TF: variants seen among roughly 807,000 people sequenced by gnomAD.
TF encodes transferrin.
Under a neutral mutation model 82.4 loss-of-function variants are expected in TF, and 55 were observed. That is an observed-to-expected ratio of 0.67 (90% CI 0.54 to 0.84). The LOEUF (loss-of-function observed/expected upper bound fraction) is 0.84, where lower values mean the gene tolerates loss of function less well. Ranked by LOEUF, TF falls within the 40% of genes least tolerant of loss-of-function variation. The pLI, the probability that TF is intolerant of heterozygous loss-of-function variation, is 0.00. For synonymous variants in TF, 332 were observed against 332.6 expected (o/e 1.00, Z 0.02); for missense variants, 737 against 868.4 (o/e 0.85, Z 1.90).
At chr3:133,737,670 G>T in the TF span, among the ~76,000 whole-genome samples, 1 of 152,102 alleles carries the variant, frequency 6.6e-6, no homozygotes, top group East Asian at 1.9e-4. Flanking sequence ...AACCATCAGA[G>T]AATACTATAA....
chr3:133,688,295 T>A, the TF span: 2 of 152,606 alleles, frequency 1.3e-5, no homozygotes, highest in African/African-American at 4.8e-5. Flanking sequence ...AAAAAGTGTT[T>A]CCAGCAGATG....
chr3:133,664,542 T>G, the TF span, among the ~76,000 whole-genome samples: 149,628 of 152,164 alleles, frequency 0.98, 73,575 homozygotes, highest in South Asian at 1. Flanking sequence ...GGCTGGTCTT[T>G]AACTCCTGAC....
the TF span, among the ~76,000 whole-genome samples, chr3:133,697,360 G>C: frequency 6.6e-6 from 1 of 152,182 alleles, no homozygotes; most frequent in Non-Finnish European, 1.5e-5. Context: ...ATTTTAATTA[G>C]TGGGGTCATC....
At chr3:133,685,113 T>C in the TF span, among the ~76,000 whole-genome samples, 1 of 152,172 alleles carries the variant, frequency 6.6e-6, no homozygotes. Flanking sequence ...CACATGATTA[T>C]CTCAATAGAT....
chr3:133,766,319 C>T lies in TF; in HGVS notation c.1372C>T (p.Leu458Phe). ...IAVVKKSASD[L>F]TWDNLKGKKS... ...AGTGGTGAAGAAATCAGCTTCTGACCTCACCTGGGACAATCTGAAAGGCAA... is the reference window on the plus strand; with the variant it reads ...AGTGGTGAAGAAATCAGCTTCTGACTTCACCTGGGACAATCTGAAAGGCAA... The change falls in exon 12 of 17, where the codon CTC becomes TTC. Residue 458 changes from leucine to phenylalanine, a missense_variant. Physicochemically the swap from Leu to Phe is conservative, Grantham distance 22. Transcript: ENST00000402696. The T allele has an allele frequency of 1.2e-6, 2 of 1,614,190 alleles. No individual in the cohort carries two copies. Among genetic ancestry groups the T allele is most frequent in the Non-Finnish European group, 1.7e-6 (2 of 1,180,030 alleles).
intron 1 of TF, among the ~76,000 whole-genome samples, chr3:133,746,922 C>A (rs1933518416): frequency 6.6e-6 from 1 of 152,180 alleles, no homozygotes; most frequent in Admixed American, 6.5e-5. Flanking sequence ...GCGGTCAGAG[C>A]ATGGGGTTTG....
chr3:133,788,932 AAG>A lies in TF; in HGVS notation c.*10313_*10314del, dbSNP rs1470723859. ...ATGGCTATCATGCTAGTGGAACAGG[AAG>A]CATGGGATAATGTGGCCTTATCAAA... On this transcript the variant is annotated 3_prime_UTR_variant, in exon 17 of 17. Coordinates refer to ENST00000402696, the MANE Select transcript of TF (RefSeq NM_001063.4). 6.6e-6 allele frequency: 1 copy of A among 152,234 alleles called. No individual in the cohort carries two copies. Among genetic ancestry groups the A allele is most frequent in the Non-Finnish European group, 1.5e-5 (1 of 68,056 alleles). The allele number at this position is 152,234 out of a possible 1,614,324, so 9.4% of individuals were successfully genotyped here. A position where few individuals can be genotyped will look rare whatever the true frequency, so the allele number is the denominator to read the frequency against.
At chr3:133,678,905 C>G in the TF span, among the ~76,000 whole-genome samples, 9 of 150,290 alleles carry the variant, frequency 6.0e-5, no homozygotes, top group Non-Finnish European at 1.2e-4. Context: ...TGAAATCTCA[C>G]TCTGTTACCC....
chr3:133,757,740 C>T (rs1014146673), intron 7 of TF, 29 bp from the exon 8 acceptor site: 1 of 1,599,354 alleles, frequency 6.3e-7, no homozygotes, highest in Non-Finnish European at 8.6e-7. Flanking sequence ...TCTGTGTTGC[C>T]ATCCACTATT....
the TF span, among the ~76,000 whole-genome samples, chr3:133,728,241 C>A: frequency 1.3e-5 from 2 of 152,308 alleles, no homozygotes; most frequent in East Asian, 1.9e-4. Flanking sequence ...TAATATCCTG[C>A]AGAGTGTTTT....
Position 133,789,606 on chromosome 3 carries a change from T to G in TF, c.*10986T>G, listed in dbSNP as rs1934777086. On this transcript the variant is annotated 3_prime_UTR_variant, in exon 17 of 17. Transcript: ENST00000402696. ...TGTGTTTATTTGCACATTTGTTATA[T>G]GTTGTGTTTTGGCATATAAGTAAAA... 6.6e-6 allele frequency: 1 copy of G among 152,242 alleles called. No homozygotes were observed. The highest frequency in any genetic ancestry group is 2.4e-5 in the African/African-American group (1 of 41,464). The allele number at this position is 152,242 out of a possible 1,614,324, so 9.4% of individuals were successfully genotyped here.
intron 2 of TF, 151 bp downstream of exon 2, chr3:133,748,735 G>C (rs1044480340): frequency 1.9e-6 from 2 of 1,052,034 alleles, no homozygotes; most frequent in African/African-American, 3.2e-5. Flanking sequence ...GTGGAAATGG[G>C]GAGGTTTTCT....
Position 133,787,915 on chromosome 3 carries a change from T to A in TF, c.*9295T>A, listed in dbSNP as rs1001896090. On this transcript the variant is annotated 3_prime_UTR_variant, in exon 17 of 17. Transcript: ENST00000402696. ...TAACGTTTATAAAAAGACTATCTTCTGAAAACGACTTTTGGAAGTGAAATG... is the reference window on the plus strand; with the variant it reads ...TAACGTTTATAAAAAGACTATCTTCAGAAAACGACTTTTGGAAGTGAAATG... 2 of 152,222 alleles carry A rather than the reference T, an allele frequency of 1.3e-5. No homozygotes were observed. Among genetic ancestry groups the A allele is most frequent in the Non-Finnish European group, 2.9e-5 (2 of 68,038 alleles). The allele number at this position is 152,222 out of a possible 1,614,324, so 9.4% of individuals were successfully genotyped here.
At chr3:133,743,491 G>A (rs147443185), upstream of TF, among the ~76,000 whole-genome samples, 19 of 152,246 alleles carry the variant, frequency 1.2e-4, no homozygotes, top group East Asian at 3.1e-3. Context: ...TTTCCTGGGA[G>A]AGGCAGTGTC....
chr3:133,771,167 A>G (rs1934248606), intron 14 of TF, among the ~76,000 whole-genome samples: 2 of 152,246 alleles, frequency 1.3e-5, no homozygotes, highest in South Asian at 4.1e-4. Context: ...TGCTGAGCCT[A>G]GAACAACACA....
the TF span, among the ~76,000 whole-genome samples, chr3:133,726,803 A>G: frequency 6.6e-6 from 1 of 152,040 alleles, no homozygotes; most frequent in African/African-American, 2.4e-5. Context: ...TTAGTGCTAT[A>G]AATTTCCCTC....
chr3:133,775,103 T>C, intron 14 of TF: 1 of 389,114 alleles, frequency 2.6e-6, no homozygotes, highest in South Asian at 2.3e-5. Context: ...ATTCTTCCTC[T>C]GTTGGAGCAA....
intron 2 of TF, among the ~76,000 whole-genome samples, chr3:133,753,029 G>A (rs557533446): frequency 6.6e-6 from 1 of 152,234 alleles, no homozygotes; most frequent in African/African-American, 2.4e-5. Context: ...GAGTGAAGAC[G>A]AATGTTTTCA....
At position 133,786,204 on chromosome 3, in the gene TF, A is replaced by T; in HGVS notation, c.*7584A>T. Reference sequence around the variant, plus strand: ...CCTCTGTGAGAAACACCCAAGAATTATCAATAAAAAAATAAATTAAAAAAA... The same window carrying T: ...CCTCTGTGAGAAACACCCAAGAATTTTCAATAAAAAAATAAATTAAAAAAA... On this transcript the variant is annotated 3_prime_UTR_variant, in exon 17 of 17. Coordinates refer to ENST00000402696, the MANE Select transcript of TF (RefSeq NM_001063.4). 1 of 39,060 alleles carries T rather than the reference A, an allele frequency of 2.6e-5. No homozygotes were observed. The highest frequency in any genetic ancestry group is 4.4e-4 in the Admixed American group (1 of 2,266). The allele number at this position is 39,060 out of a possible 1,614,324, so 2.4% of individuals were successfully genotyped here. A position where few individuals can be genotyped will look rare whatever the true frequency, so the allele number is the denominator to read the frequency against.
Sources: allele counts gnomAD v4.1 joint callset (sites outside exome capture counted in the v4.1 genomes callset), GRCh38; gene constraint gnomAD v4.1.1; transcripts MANE v1.5; gene names NCBI Gene and HGNC (gene_info 2026-07-23, HGNC 2026-07-21).